Variants in SOX5 observed in about 807,000 individuals in gnomAD.
SOX5 encodes transcription factor SOX-5.
Under a neutral mutation model 92.0 loss-of-function variants are expected in SOX5, and 9 were observed. The observed-to-expected ratio is 0.10, with a 90% CI of 0.06 to 0.17. SOX5 has a LOEUF of 0.17. Among genes scored for constraint, SOX5 ranks in the 10% least tolerant of loss-of-function variants. The pLI, the probability that SOX5 is intolerant of heterozygous loss-of-function variation, is 1.00. For synonymous variants in SOX5, 344 were observed against 336.3 expected (o/e 1.02, Z -0.25); for missense variants, 642 against 944.5 (o/e 0.68, Z 4.20).
At chr12:23,985,289 G>C (rs1949962422) in intron 4 of SOX5, among the ~76,000 whole-genome samples, 1 of 151,464 alleles carries the variant, frequency 6.6e-6, no homozygotes, top group Non-Finnish European at 1.5e-5. Context: ...CCATCACCCA[G>C]GCAGGCTGTA....
intron 2 of SOX5, among the ~76,000 whole-genome samples, chr12:24,299,030 T>C (rs1269316724): frequency 6.6e-6 from 1 of 152,136 alleles, no homozygotes; most frequent in African/African-American, 2.4e-5. Flanking sequence ...AATGCAGCAG[T>C]TATCAATATT....
chr12:24,319,024 C>A (rs576240582), intron 2 of SOX5, among the ~76,000 whole-genome samples: 120 of 152,310 alleles, frequency 7.9e-4, no homozygotes, highest in African/African-American at 2.7e-3. Context: ...GAATGACTTG[C>A]CTCCACCTGT....
intron 4 of SOX5, among the ~76,000 whole-genome samples, chr12:24,055,620 C>A (rs1297981150): frequency 6.6e-6 from 1 of 152,094 alleles, no homozygotes; most frequent in East Asian, 1.9e-4. Flanking sequence ...TTCTTAGAAT[C>A]ATCAAAGACT....
chr12:23,702,202 G>A (rs1464104449), intron 6 of SOX5, among the ~76,000 whole-genome samples: 1 of 151,932 alleles, frequency 6.6e-6, no homozygotes, highest in African/African-American at 2.4e-5. Context: ...TATCTACACT[G>A]CAATATTAAA....
intron 4 of SOX5, among the ~76,000 whole-genome samples, chr12:24,198,877 C>A (rs7304259): frequency 1.3e-5 from 2 of 151,936 alleles, no homozygotes; most frequent in Non-Finnish European, 2.9e-5. Context: ...TAATAAAAAC[C>A]CTTTTATACT....
At chr12:24,196,343 A>G (rs1173697862) in intron 4 of SOX5, among the ~76,000 whole-genome samples, 1 of 152,268 alleles carries the variant, frequency 6.6e-6, no homozygotes, top group African/African-American at 2.4e-5. Context: ...GTAACAATGT[A>G]CAAAAAGAAA....
At chr12:23,916,927 G>C (rs540524375) in intron 1 of SOX5, among the ~76,000 whole-genome samples, 3 of 152,052 alleles carry the variant, frequency 2.0e-5, no homozygotes, top group Non-Finnish European at 4.4e-5. Context: ...TTTATACATG[G>C]ATATTTTGTG....
chr12:24,375,907 T>C (rs1596056283), intron 1 of SOX5, among the ~76,000 whole-genome samples: 1 of 152,192 alleles, frequency 6.6e-6, no homozygotes, highest in African/African-American at 2.4e-5. Context: ...AAGTCTTTTT[T>C]TTTCTTTCCA....
intron 4 of SOX5, among the ~76,000 whole-genome samples, chr12:24,175,779 C>T (rs1954741591): frequency 6.6e-6 from 1 of 152,092 alleles, no homozygotes; most frequent in Non-Finnish European, 1.5e-5. Flanking sequence ...CTGTAAGATA[C>T]ATCAAGAAAA....
chr12:24,279,712 A>G (rs2140400416), intron 2 of SOX5, among the ~76,000 whole-genome samples: 1 of 152,286 alleles, frequency 6.6e-6, no homozygotes, highest in Non-Finnish European at 1.5e-5. Flanking sequence ...TACACTCTGA[A>G]CTTTGTAAAA....
At chr12:24,122,168 T>C (rs1018760274) in intron 4 of SOX5, among the ~76,000 whole-genome samples, 7 of 152,192 alleles carry the variant, frequency 4.6e-5, no homozygotes, top group African/African-American at 1.7e-4. Context: ...GAACTTTCAA[T>C]GGAAATGTTA....
At chr12:24,266,246 G>A (rs1202715931) in intron 3 of SOX5, among the ~76,000 whole-genome samples, 1 of 152,004 alleles carries the variant, frequency 6.6e-6, no homozygotes, top group Non-Finnish European at 1.5e-5. Context: ...CAGGTTTTCA[G>A]TTTTGTGTTA....
chr12:24,146,342 C>T (rs1951080614), intron 4 of SOX5, among the ~76,000 whole-genome samples: 4 of 152,088 alleles, frequency 2.6e-5, no homozygotes, highest in African/African-American at 7.2e-5. Context: ...TCAGGAACAT[C>T]CTCAAATATT....
intron 1 of SOX5, among the ~76,000 whole-genome samples, chr12:24,405,965 G>A (rs539424047): frequency 6.6e-6 from 1 of 151,990 alleles, no homozygotes; most frequent in Non-Finnish European, 1.5e-5. Flanking sequence ...CTTTAGAGAG[G>A]CTTCAGAGGA....
intron 9 of SOX5, among the ~76,000 whole-genome samples, chr12:23,586,661 A>G (rs1199600265): frequency 6.6e-6 from 1 of 150,996 alleles, no homozygotes; most frequent in African/African-American, 2.4e-5. Context: ...TTTTTCTTGA[A>G]GAGTCTGAAA....
chr12:24,007,920 T>C (rs1478381413), intron 4 of SOX5, among the ~76,000 whole-genome samples: 1 of 151,550 alleles, frequency 6.6e-6, no homozygotes, highest in Non-Finnish European at 1.5e-5. Context: ...TTTTATGCTA[T>C]GTCCATTTCC....
chr12:24,318,472 G>A (rs1402322771), intron 2 of SOX5, among the ~76,000 whole-genome samples: 1 of 152,160 alleles, frequency 6.6e-6, no homozygotes, highest in Non-Finnish European at 1.5e-5. Context: ...TGAAATCATG[G>A]CGAGCTATGT....
At chr12:24,043,929 A>C (rs1418523080) in intron 4 of SOX5, among the ~76,000 whole-genome samples, 1 of 152,214 alleles carries the variant, frequency 6.6e-6, no homozygotes, top group Non-Finnish European at 1.5e-5. Context: ...ATTTAACCTT[A>C]CAACAAAGCA....
intron 1 of SOX5, among the ~76,000 whole-genome samples, chr12:24,405,068 C>T (rs1460632505): frequency 6.6e-6 from 1 of 152,118 alleles, no homozygotes; most frequent in Admixed American, 6.5e-5. Context: ...GGAAACTACC[C>T]TTCTGTCAGC....
Sources: allele counts gnomAD v4.1 joint callset (sites outside exome capture counted in the v4.1 genomes callset), GRCh38; gene constraint gnomAD v4.1.1; transcripts MANE v1.5; gene names NCBI Gene and HGNC (gene_info 2026-07-23, HGNC 2026-07-21).